DNAH5: variants seen among roughly 807,000 people sequenced by gnomAD.
The protein encoded by DNAH5 is axonemal beta dynein heavy chain 5.
A neutral mutation model predicts 518.2 loss-of-function variants in DNAH5; 372 were observed. The ratio of observed to expected loss-of-function variants is 0.72; its 90% CI spans 0.66 to 0.78. The LOEUF (loss-of-function observed/expected upper bound fraction) is 0.78, where lower values mean the gene tolerates loss of function less well. Among genes scored for constraint, DNAH5 ranks in the 30% least tolerant of loss-of-function variants. The pLI is 0.00. For missense variants in DNAH5, 5,523 were observed against 5,687.0 expected, an observed-to-expected ratio of 0.97 and a Z score of 0.93; for synonymous variants, 2,039 against 2,025.9, an observed-to-expected ratio of 1.01 and a Z score of -0.17.
rs1377358573 is a variant in DNAH5 at position 13,894,702 on chromosome 5, G to A, written c.2379C>T (p.Thr793=). 1 of 1,614,130 alleles carries A rather than the reference G, an allele frequency of 6.2e-7. No individual in the cohort carries two copies. The highest frequency in any genetic ancestry group is 2.2e-5 in the East Asian group (1 of 44,886). ...AAGCCTCAATATTCAGTGATGTCCAGGTCAGTGCAGCCAAGCCAGGTTGGA... is the reference window on the plus strand; with the variant it reads ...AAGCCTCAATATTCAGTGATGTCCAAGTCAGTGCAGCCAAGCCAGGTTGGA... ...EALQPGLAAL[T]WTSLNIEAYL... Residue 793 remains threonine (T), a synonymous_variant, in exon 16 of 79, where the codon ACC becomes ACT. Transcript: ENST00000265104.
chr5:13,771,131 C>T, intron 55 of DNAH5, 151 bp from the exon 56 acceptor site: 2 of 660,176 alleles, frequency 3.0e-6, no homozygotes, highest in South Asian at 3.7e-5. Context: ...CATTTTTGGC[C>T]CCAGGCCTAT....
chr5:13,782,952 C>G (rs904825171), intron 52 of DNAH5, among the ~76,000 whole-genome samples: 2 of 152,166 alleles, frequency 1.3e-5, no homozygotes, highest in African/African-American at 4.8e-5. Context: ...GTCCACCCTG[C>G]CCCTCAGGAG....
intron 1 of DNAH5, among the ~76,000 whole-genome samples, chr5:13,950,170 C>T (rs981673798): frequency 4.6e-5 from 7 of 152,214 alleles, no homozygotes; most frequent in African/African-American, 1.7e-4. Flanking sequence ...TGAGGCCTAT[C>T]ACTTAAACAC....
chr5:13,921,646 G>C (rs1156521614), intron 5 of DNAH5, among the ~76,000 whole-genome samples: 2 of 151,588 alleles, frequency 1.3e-5, no homozygotes, highest in Non-Finnish European at 2.9e-5. Context: ...TTGATCATTG[G>C]CTGAATCACA....
At chr5:13,706,467 C>T (rs1329961373) in intron 76 of DNAH5, among the ~76,000 whole-genome samples, 2 of 152,056 alleles carry the variant, frequency 1.3e-5, no homozygotes, top group African/African-American at 2.4e-5. Context: ...CCAGATTTTC[C>T]CAAGAAATAG....
chr5:13,735,276 G>A lies in DNAH5; in HGVS notation c.11616C>T (p.Ile3872=), dbSNP rs773699669. ...TATAAACCTCGTAGGTCATGTGCTC[G>A]ATGATATTAGCAATCCTCTTGCTTG... ...PITSKRIANI[I]EHMTYEVYKY... is the part of the protein sequence containing the mutation. Residue 3872 remains isoleucine (I), a synonymous_variant, in exon 68 of 79, where the codon ATC becomes ATT. Coordinates refer to ENST00000265104, the MANE Select transcript of DNAH5 (RefSeq NM_001369.3). 7 of 1,614,104 alleles carry A rather than the reference G, an allele frequency of 4.3e-6. No individual in the cohort carries two copies. Among genetic ancestry groups the A allele is most frequent in the South Asian group, 2.2e-5 (2 of 91,080 alleles).
intron 38 of DNAH5, among the ~76,000 whole-genome samples, chr5:13,825,833 T>A (rs1580440831): frequency 6.6e-6 from 1 of 152,214 alleles, no homozygotes; most frequent in Non-Finnish European, 1.5e-5. Context: ...ACACTAAAAA[T>A]GGTTAAGATA....
At chr5:13,738,539 T>A (rs1021081196) in intron 65 of DNAH5, among the ~76,000 whole-genome samples, 1 of 152,196 alleles carries the variant, frequency 6.6e-6, no homozygotes, top group Non-Finnish European at 1.5e-5. Flanking sequence ...TGAGGGAGCT[T>A]TGGAGACAGC....
At chr5:13,859,110 T>C (rs1402944545) in intron 30 of DNAH5, among the ~76,000 whole-genome samples, 1 of 152,128 alleles carries the variant, frequency 6.6e-6, no homozygotes, top group Non-Finnish European at 1.5e-5. Context: ...TAGCCTACCA[T>C]TGTCAAGATA....
rs565145536 is a variant in DNAH5 at position 13,853,717 on chromosome 5, G to A, written c.4951-2902C>T. On this transcript the variant is annotated intron_variant, in intron 30 of 78. Coordinates refer to ENST00000265104, the MANE Select transcript of DNAH5 (RefSeq NM_001369.3). ...CTGAAAAACACAGCACAAGAATTTC[G>A]TGAAGCATACAGAAGTATCAATACC... Among the ~76,000 whole-genome samples, 6 of 151,832 alleles carry A rather than the reference G, an allele frequency of 4.0e-5. No individual in the cohort carries two copies. The East Asian group carries it at 5.8e-4, about 15-fold the overall frequency.
chr5:13,819,176 A>ATTT, intron 41 of DNAH5, among the ~76,000 whole-genome samples: 1 of 152,236 alleles, frequency 6.6e-6, no homozygotes, highest in Non-Finnish European at 1.5e-5. Flanking sequence ...AATATTATTG[A>ATTT]GAAAAATTTG....
At chr5:13,897,640 A>G (rs529724536) in intron 15 of DNAH5, 22 of 152,380 alleles carry the variant, frequency 1.4e-4, no homozygotes, top group African/African-American at 4.8e-4. Flanking sequence ...ATAATTCTGC[A>G]ACACTTCAGA....
At chr5:13,807,794 C>A in intron 46 of DNAH5, 69 bp from the exon 47 acceptor site, 1 of 1,361,926 alleles carries the variant, frequency 7.3e-7, no homozygotes, top group Non-Finnish European at 1.0e-6. Context: ...TTTGTCCCCC[C>A]AAAATTCATA....
At chr5:13,936,927 C>T (rs944624723) in intron 1 of DNAH5, among the ~76,000 whole-genome samples, 1 of 152,092 alleles carries the variant, frequency 6.6e-6, no homozygotes, top group East Asian at 1.9e-4. Context: ...TTTTCCCAGA[C>T]CCTCCTGAAG....
intron 34 of DNAH5, 59 bp from the exon 35 acceptor site, chr5:13,839,587 G>A (rs375408172): frequency 1.6e-5 from 22 of 1,361,640 alleles, no homozygotes; most frequent in East Asian, 1.4e-4. Context: ...AAATATACAC[G>A]TTATTAGCAT....
chr5:13,908,865 G>C (rs1051468613), intron 12 of DNAH5, among the ~76,000 whole-genome samples: 1 of 152,132 alleles, frequency 6.6e-6, no homozygotes, highest in African/African-American at 2.4e-5. Flanking sequence ...GTCTCTCCAA[G>C]ACTCCTGGAC....
At chr5:13,823,482 C>G in intron 39 of DNAH5, 112 bp from the exon 40 acceptor site, 1 of 720,850 alleles carries the variant, frequency 1.4e-6, no homozygotes, top group Non-Finnish European at 2.5e-6. Context: ...TAACCACTAA[C>G]AAATAACATA....
intron 53 of DNAH5, among the ~76,000 whole-genome samples, chr5:13,778,137 AT>A (rs1442254057): frequency 6.6e-6 from 1 of 152,152 alleles, no homozygotes; most frequent in Non-Finnish European, 1.5e-5. Context: ...GAGCCATCTG[AT>A]TTTTTAAAAA....
At chr5:13,804,751 C>G (rs1478364432) in intron 47 of DNAH5, among the ~76,000 whole-genome samples, 2 of 152,146 alleles carry the variant, frequency 1.3e-5, no homozygotes, top group Non-Finnish European at 2.9e-5. Context: ...TAATGGGAGC[C>G]TAAGGAATAC....
Sources: allele counts gnomAD v4.1 joint callset (sites outside exome capture counted in the v4.1 genomes callset), GRCh38; gene constraint gnomAD v4.1.1; transcripts MANE v1.5; gene names NCBI Gene and HGNC (gene_info 2026-07-23, HGNC 2026-07-21).